Variants in GPRC6A observed in about 807,000 individuals in gnomAD.
GPRC6A encodes G protein-coupled receptor family C group 6 member A.
GPRC6A carries 54 observed loss-of-function variants against 47.0 expected under a neutral mutation model. That is an observed-to-expected ratio of 1.15 (90% CI 0.92 to 1.44). GPRC6A has a LOEUF of 1.44. GPRC6A is among the 40% of genes most tolerant of loss of function. The pLI is 0.00. For missense variants in GPRC6A, 1,112 were observed against 1,105.5 expected, an observed-to-expected ratio of 1.01 and a Z score of -0.08; for synonymous variants, 347 against 377.1, an observed-to-expected ratio of 0.92 and a Z score of 0.93.
chr6:116,829,050 A>C lies in GPRC6A; in HGVS notation c.-37T>G, dbSNP rs1200321660. 6.3e-7 allele frequency: 1 copy of C among 1,578,724 alleles called. No individual in the cohort carries two copies. The highest frequency in any genetic ancestry group is 1.4e-5 in the African/African-American group (1 of 73,748). On this transcript the variant is annotated 5_prime_UTR_variant, in exon 1 of 6. Transcript: ENST00000310357. The stretch of plus-strand genomic sequence containing the variant: ...ATTTGCTCAGTTCATGTGAGTTCTT[A>C]GGAATCATTAAGTGCACGGAGTGCC...
chr6:116,796,429 A>G (rs995852865), intron 4 of GPRC6A, among the ~76,000 whole-genome samples: 5 of 152,186 alleles, frequency 3.3e-5, no homozygotes, highest in Non-Finnish European at 5.9e-5. Context: ...GCATGTCACA[A>G]TTTGAATCAC....
rs1562481852 is a variant in GPRC6A, at chr6:116,806,666, G to A, written c.1039C>T (p.Pro347Ser). 2 of 1,613,534 alleles carry A rather than the reference G, an allele frequency of 1.2e-6. No individual in the cohort carries two copies. The highest frequency in any genetic ancestry group is 1.7e-6 in the Non-Finnish European group (2 of 1,179,804). Residue 347 changes from proline (P) to serine (S), a missense_variant, in exon 3 of 6, where the codon CCC becomes TCC. Coordinates refer to ENST00000310357, the MANE Select transcript of GPRC6A (RefSeq NM_148963.4). Reference sequence around the variant, plus strand: ...TGTAAGAGTTTGTGACTGTCACTGGGAAGCAAGTGCAGATTTTGAAGAAAG... The same window carrying A: ...TGTAAGAGTTTGTGACTGTCACTGGAAAGCAAGTGCAGATTTTGAAGAAAG... The part of the protein sequence containing the change: ...HSFLQNLHLL[P>S]SDSHKLLHEY...
intron 1 of GPRC6A, among the ~76,000 whole-genome samples, chr6:116,825,910 C>T (rs1022087371): frequency 6.6e-6 from 1 of 152,008 alleles, no homozygotes. Flanking sequence ...TTATTGCCAA[C>T]AGATTTTTGA....
At chr6:116,821,088 A>T (rs1231142146) in intron 1 of GPRC6A, among the ~76,000 whole-genome samples, 1 of 150,142 alleles carries the variant, frequency 6.7e-6, no homozygotes, top group African/African-American at 2.4e-5. Flanking sequence ...GAGCCAAATC[A>T]TGAGTGAACT....
At chr6:116,799,571 T>C (rs146420741) in intron 4 of GPRC6A, among the ~76,000 whole-genome samples, 2 of 152,234 alleles carry the variant, frequency 1.3e-5, no homozygotes, top group African/African-American at 4.8e-5. Context: ...ACAGAAACAA[T>C]TTCGATGGAT....
intron 1 of GPRC6A, among the ~76,000 whole-genome samples, chr6:116,820,269 T>C (rs938048131): frequency 1.3e-5 from 2 of 152,234 alleles, no homozygotes; most frequent in African/African-American, 4.8e-5. Flanking sequence ...AGCTGAATTC[T>C]AGCAGAGGTA....
At position 116,807,048 on chromosome 6, in the gene GPRC6A, G is replaced by A. The variant is rs1772870822; in HGVS notation, c.657C>T (p.Asp219=). 11 of 1,613,750 alleles carry A rather than the reference G, an allele frequency of 6.8e-6. No homozygotes were observed. Among genetic ancestry groups the A allele is most frequent in the Non-Finnish European group, 8.5e-6 (10 of 1,179,748 alleles). ...AAGTGTTAAGAGCCAATCGTCCATA[G>A]TCATCATCTGTGGTTATGATGCCAA... ...NWIGIITTDD[D]YGRLALNTFI... The change falls in exon 3 of 6, where the codon GAC becomes GAT. Residue 219 remains aspartate, a synonymous_variant. Transcript: ENST00000310357.
intron 3 of GPRC6A, among the ~76,000 whole-genome samples, chr6:116,803,794 G>T (rs1251187798): frequency 6.6e-6 from 1 of 152,018 alleles, no homozygotes; most frequent in Admixed American, 6.6e-5. Context: ...TCACATAGAG[G>T]TCATGTTTTT....
intron 4 of GPRC6A, among the ~76,000 whole-genome samples, chr6:116,797,674 CAG>C (rs997492548): frequency 6.6e-6 from 1 of 152,184 alleles, no homozygotes; most frequent in Non-Finnish European, 1.5e-5. Context: ...GAATTCCCTA[CAG>C]AGTCTGGAGA....
At chr6:116,807,496 AG>A (rs2114596838) in intron 2 of GPRC6A, among the ~76,000 whole-genome samples, 1 of 152,264 alleles carries the variant, frequency 6.6e-6, no homozygotes, top group East Asian at 1.9e-4. Flanking sequence ...CCAGGGGCCA[AG>A]GGTGGATATT....
intron 4 of GPRC6A, among the ~76,000 whole-genome samples, chr6:116,797,043 C>A (rs1399067841): frequency 6.6e-6 from 1 of 151,980 alleles, no homozygotes; most frequent in Non-Finnish European, 1.5e-5. Context: ...CTCCCCCTAC[C>A]CCACAACAGT....
At chr6:116,827,534 T>C (rs1401761567) in intron 1 of GPRC6A, among the ~76,000 whole-genome samples, 1 of 151,962 alleles carries the variant, frequency 6.6e-6, no homozygotes, top group African/African-American at 2.4e-5. Context: ...AGTTGTGCAA[T>C]GTTGAGTGAG....
In GPRC6A at chr6:116,823,068, C is replaced by T. The variant is rs567468939; in HGVS notation, c.194+5752G>A. 1.8e-4 allele frequency among the ~76,000 whole-genome samples: 27 copies of T among 152,098 alleles called. 1 individual carries two copies. The highest frequency in any genetic ancestry group is 1.8e-3 in the Admixed American group (27 of 15,250). ...TAATGCAAATTTTTGCAGCCAGCTT[C>T]AATTCCTCCCCCAGAAATTTTTGTT... is the stretch of plus-strand genomic sequence containing the variant. On this transcript the variant is annotated intron_variant, in intron 1 of 5. Coordinates refer to ENST00000310357, the MANE Select transcript of GPRC6A (RefSeq NM_148963.4).
At chr6:116,810,692 A>AAGC (rs1772993289) in intron 1 of GPRC6A, among the ~76,000 whole-genome samples, 4 of 151,920 alleles carry the variant, frequency 2.6e-5, no homozygotes, top group Admixed American at 6.5e-5. Flanking sequence ...AAAAGAAAGT[A>AAGC]TATCAAAACC....
Position 116,795,795 on chromosome 6 carries a change from T to C in GPRC6A, c.1589A>G (p.Gln530Arg). 1 of 1,608,330 alleles carries C rather than the reference T, an allele frequency of 6.2e-7. No individual in the cohort carries two copies. Among genetic ancestry groups the C allele is most frequent in the South Asian group, 1.1e-5 (1 of 90,890 alleles). Residue 530 changes from glutamine (Q) to arginine (R), a missense_variant, in exon 5 of 6, where the codon CAA becomes CGA. Physicochemically the swap from Gln to Arg is conservative, Grantham distance 43. Transcript: ENST00000310357. ...TTGACTTCTTGTAGTTTTCTTCATTTGCCCAGGACTGCATTCCTTGGAGCA... is the reference window on the plus strand; with the variant it reads ...TTGACTTCTTGTAGTTTTCTTCATTCGCCCAGGACTGCATTCCTTGGAGCA... ...SKCSKECSPG[Q>R]MKKTTRSQHI... is the part of the protein sequence containing the mutation.
At chr6:116,829,127 C>T, upstream of GPRC6A, 1 of 1,245,858 alleles carries the variant, frequency 8.0e-7, no homozygotes, top group Non-Finnish European at 1.1e-6. Context: ...AGGACAGTGT[C>T]AAAGGCCAGA....
In GPRC6A at chr6:116,806,385, G is replaced by A. The variant is rs1458490810; in HGVS notation, c.1320C>T (p.Ala440=). ...GAGTTAGTACCTCCCATGGTTGAAA[G>A]GCGTTGGGGTTCTGACAGTCACGAG... ...CQARDCQNPN[A]FQPWELLGVL... The change falls in exon 3 of 6, where the codon GCC becomes GCT. Residue 440 remains alanine (A), a synonymous_variant. Transcript: ENST00000310357. 1 of 1,605,536 alleles carries A rather than the reference G, an allele frequency of 6.2e-7. No individual in the cohort carries two copies. The highest frequency in any genetic ancestry group is 1.1e-5 in the South Asian group (1 of 90,690).
At chr6:116,805,213 C>A (rs1772798239) in intron 3 of GPRC6A, among the ~76,000 whole-genome samples, 2 of 151,724 alleles carry the variant, frequency 1.3e-5, no homozygotes, top group Admixed American at 1.3e-4. Flanking sequence ...CTAGTTTTAC[C>A]TCCTTATTAG....
chr6:116,820,848 G>T (rs1773443596), intron 1 of GPRC6A, among the ~76,000 whole-genome samples: 1 of 151,030 alleles, frequency 6.6e-6, no homozygotes, highest in Non-Finnish European at 1.5e-5. Context: ...AGTGTTGGAA[G>T]TTCTGGCCAG....
Sources: gnomAD v4.1 joint callset for allele counts (sites outside exome capture counted in the v4.1 genomes callset) on GRCh38, gnomAD v4.1.1 for gene constraint, MANE v1.5 for transcripts, NCBI Gene and HGNC (gene_info 2026-07-23, HGNC 2026-07-21) for gene names.